MACROD2: variants seen among roughly 807,000 people sequenced by gnomAD.
The protein encoded by MACROD2 is ADP-ribose glycohydrolase MACROD2.
MACROD2 carries 36 observed loss-of-function variants against 70.4 expected under a neutral mutation model. The ratio of observed to expected loss-of-function variants is 0.51; its 90% confidence interval spans 0.39 to 0.68. The LOEUF is 0.68. MACROD2 is among the 30% of genes least tolerant of loss of function. The probability of loss-of-function intolerance (pLI) is 0.00; values close to 1 mark genes in which losing one functional copy is unlikely to be tolerated. For missense variants in MACROD2, 496 were observed against 538.4 expected, an observed-to-expected ratio of 0.92 and a Z score of 0.78; for synonymous variants, 172 against 178.8, an observed-to-expected ratio of 0.96 and a Z score of 0.30.
intron 2 of MACROD2, among the ~76,000 whole-genome samples, chr20:14,030,312 A>G (rs1387008129): frequency 2.6e-5 from 4 of 152,076 alleles, no homozygotes; most frequent in Non-Finnish European, 5.9e-5. Flanking sequence ...TGCTGGGGTT[A>G]TAGGCATGAG....
rs576658028 is a variant in MACROD2, at chr20:15,560,335, A to G, written c.645+60488A>G. On this transcript the variant is annotated intron_variant, in intron 8 of 17. Transcript: ENST00000684519. ...CATTTGTAAAATAAGAAGAATAAAA[A>G]TTACTTTGTAAAATTATAGTATATT... is the stretch of plus-strand genomic sequence containing the variant. Among the ~76,000 whole-genome samples, 17 of 152,338 alleles carry G rather than the reference A, an allele frequency of 1.1e-4. No homozygotes were observed. In the East Asian group the frequency reaches 3.1e-3, roughly 28 times the overall value.
chr20:15,621,699 T>C (rs2049128339), intron 8 of MACROD2, among the ~76,000 whole-genome samples: 1 of 152,190 alleles, frequency 6.6e-6, no homozygotes, highest in African/African-American at 2.4e-5. Context: ...AGTAGTGCTG[T>C]TTTGGACTCA....
chr20:15,479,304 G>T (rs1208271079), intron 7 of MACROD2, among the ~76,000 whole-genome samples: 1 of 118,246 alleles, frequency 8.5e-6, no homozygotes, highest in African/African-American at 3.5e-5. Context: ...ACGGAGTCTC[G>T]CTCTGTCGCC....
chr20:14,687,310 C>T lies in MACROD2; in HGVS notation c.418+2351C>T, dbSNP rs139307744. Among the ~76,000 whole-genome samples, 323 of 152,262 alleles carry T rather than the reference C, an allele frequency of 2.1e-3. 1 individual carries two copies. Among genetic ancestry groups the T allele is most frequent in the Non-Finnish European group, 3.7e-3 (249 of 68,018 alleles). On this transcript the variant is annotated intron_variant, in intron 5 of 17. Transcript: ENST00000684519. ...ACAGTATACTCAGAATCATTAAATACGCCCAAATAAAATGGTGGCTGTAGT... is the reference window on the plus strand; with the variant it reads ...ACAGTATACTCAGAATCATTAAATATGCCCAAATAAAATGGTGGCTGTAGT...
At chr20:14,044,462 T>G (rs2053440202) in intron 2 of MACROD2, among the ~76,000 whole-genome samples, 1 of 152,094 alleles carries the variant, frequency 6.6e-6, no homozygotes, top group Non-Finnish European at 1.5e-5. Flanking sequence ...GCTTTTATTC[T>G]CTTATTTGGC....
intron 5 of MACROD2, among the ~76,000 whole-genome samples, chr20:14,829,246 C>T (rs1323696485): frequency 6.6e-6 from 1 of 151,116 alleles, no homozygotes; most frequent in Non-Finnish European, 1.5e-5. Context: ...TCTCCTGCCT[C>T]AGCCTCCCAA....
chr20:15,066,122 TTA>T (rs1195840509), intron 5 of MACROD2, among the ~76,000 whole-genome samples: 1 of 151,052 alleles, frequency 6.6e-6, no homozygotes. Context: ...TTTTTTTTTT[TTA>T]TTTTTAATTT....
chr20:15,398,406 C>A (rs2045887344), intron 6 of MACROD2, among the ~76,000 whole-genome samples: 1 of 152,118 alleles, frequency 6.6e-6, no homozygotes, highest in Admixed American at 6.5e-5. Flanking sequence ...AACCAAGAGA[C>A]TTTGTTGACT....
At chr20:15,318,644 C>T (rs2077840451) in intron 6 of MACROD2, among the ~76,000 whole-genome samples, 1 of 152,008 alleles carries the variant, frequency 6.6e-6, no homozygotes, top group South Asian at 2.1e-4. Flanking sequence ...GGATTTATCA[C>T]AGAAATGCCA....
chr20:15,248,443 C>A (rs142408506), intron 6 of MACROD2, among the ~76,000 whole-genome samples: 214 of 152,226 alleles, frequency 1.4e-3, no homozygotes, highest in Non-Finnish European at 2.5e-3. Flanking sequence ...TGGCTTAAAC[C>A]CTCTGTGACT....
At chr20:15,818,028 C>A (rs1000907499) in intron 8 of MACROD2, among the ~76,000 whole-genome samples, 2 of 152,106 alleles carry the variant, frequency 1.3e-5, no homozygotes, top group African/African-American at 4.8e-5. Flanking sequence ...CTTGGGGAAC[C>A]CTTGCTCATT....
chr20:15,903,258 C>T (rs2065093094), intron 10 of MACROD2, among the ~76,000 whole-genome samples: 1 of 152,170 alleles, frequency 6.6e-6, no homozygotes, highest in Admixed American at 6.5e-5. Context: ...AGGAGAATCG[C>T]TGGAACCCGG....
At chr20:14,283,914 GA>G (rs2082325295) in intron 3 of MACROD2, among the ~76,000 whole-genome samples, 1 of 152,162 alleles carries the variant, frequency 6.6e-6, no homozygotes, top group Non-Finnish European at 1.5e-5. Flanking sequence ...GTTTCTCCAG[GA>G]AAGGTGGTAT....
intron 5 of MACROD2, among the ~76,000 whole-genome samples, chr20:15,112,467 T>A (rs184126082): frequency 1.1e-4 from 16 of 152,316 alleles, no homozygotes; most frequent in Admixed American, 3.3e-4. Flanking sequence ...AGTTTCAGAT[T>A]TTAATTCCTC....
intron 3 of MACROD2, among the ~76,000 whole-genome samples, chr20:14,253,710 T>C (rs549251757): frequency 1.3e-5 from 2 of 152,252 alleles, no homozygotes; most frequent in African/African-American, 4.8e-5. Flanking sequence ...CTGAACTTTT[T>C]CAAACCTCTG....
chr20:14,993,655 T>C (rs962929215), intron 5 of MACROD2, among the ~76,000 whole-genome samples: 2 of 152,046 alleles, frequency 1.3e-5, no homozygotes, highest in African/African-American at 4.8e-5. Context: ...AGAAAAAAAA[T>C]CTGAAGTAAT....
intron 3 of MACROD2, among the ~76,000 whole-genome samples, chr20:14,303,492 C>T (rs1441035253): frequency 2.0e-5 from 3 of 152,190 alleles, no homozygotes; most frequent in Non-Finnish European, 4.4e-5. Flanking sequence ...ACAGCCACCA[C>T]AGCTCATCTC....
chr20:14,229,741 AC>A (rs1214277756), intron 3 of MACROD2, among the ~76,000 whole-genome samples: 1 of 152,196 alleles, frequency 6.6e-6, no homozygotes, highest in Non-Finnish European at 1.5e-5. Flanking sequence ...CCACACAAAA[AC>A]TTTTACATGA....
chr20:16,047,400 T>C (rs1418548732), intron 17 of MACROD2, among the ~76,000 whole-genome samples: 3 of 152,214 alleles, frequency 2.0e-5, no homozygotes, highest in Non-Finnish European at 4.4e-5. Context: ...AGTGGAACAC[T>C]TTCCAAATGT....
Sources: gnomAD v4.1 joint callset for allele counts (sites outside exome capture counted in the v4.1 genomes callset) on GRCh38, gnomAD v4.1.1 for gene constraint, MANE v1.5 for transcripts, NCBI Gene and HGNC (gene_info 2026-07-23, HGNC 2026-07-21) for gene names.